Variants in PSMD1 observed in about 807,000 individuals in gnomAD.
PSMD1 encodes the protein 26S proteasome non-ATPase regulatory subunit 1.
PSMD1 carries 18 observed loss-of-function variants against 119.0 expected under a neutral mutation model. That is an observed-to-expected ratio of 0.15 (90% CI 0.10 to 0.22). PSMD1 has a LOEUF of 0.22. PSMD1 is among the 10% of genes least tolerant of loss of function. PSMD1 has a pLI of 1.00. For missense variants in PSMD1, 702 were observed against 1,158.5 expected, an observed-to-expected ratio of 0.61 and a Z score of 5.72; for synonymous variants, 374 against 396.6, an observed-to-expected ratio of 0.94 and a Z score of 0.68.
Position 231,163,954 on chromosome 2 carries a change from A to G in PSMD1, c.2481+227A>G, listed in dbSNP as rs976676075. Among the ~76,000 whole-genome samples, 81 of 152,212 alleles carry G rather than the reference A, an allele frequency of 5.3e-4. 6 individuals are homozygous for G. Among genetic ancestry groups the G allele is most frequent in the Non-Finnish European group, 5.9e-5 (4 of 68,036 alleles). ...ATCCCTCTGAAGGTTTTCTCTGCAC[A>G]TGTCAGTACTTTTTATACCACGAAT... On this transcript the variant is annotated intron_variant, in intron 21 of 24. Transcript: ENST00000308696.
At chr2:231,159,837 G>A (rs111476568) in intron 19 of PSMD1, among the ~76,000 whole-genome samples, 79 of 152,308 alleles carry the variant, frequency 5.2e-4, no homozygotes, top group African/African-American at 1.9e-3. Flanking sequence ...GTTTCAGGAT[G>A]AAACTTTTCC....
At chr2:231,078,265 C>A (rs548096475) in intron 9 of PSMD1, among the ~76,000 whole-genome samples, 1 of 152,268 alleles carries the variant, frequency 6.6e-6, no homozygotes, top group Admixed American at 6.5e-5. Flanking sequence ...AACACTCTGT[C>A]TCAAAAACCA....
chr2:231,088,861 T>C (rs941968496), intron 16 of PSMD1, among the ~76,000 whole-genome samples: 17 of 152,162 alleles, frequency 1.1e-4, no homozygotes, highest in African/African-American at 4.1e-4. Context: ...AAAGCCAAGA[T>C]AGACCAAAGG....
intron 16 of PSMD1, among the ~76,000 whole-genome samples, chr2:231,121,120 ATAG>A (rs1695526259): frequency 1.3e-5 from 2 of 152,154 alleles, no homozygotes; most frequent in South Asian, 4.1e-4. Context: ...AATGTATTAG[ATAG>A]TAGTTCACAG....
At chr2:231,124,940 A>G (rs1326124062) in intron 16 of PSMD1, 1 of 152,088 alleles carries the variant, frequency 6.6e-6, no homozygotes, top group African/African-American at 2.4e-5. Flanking sequence ...AAACCTTTAG[A>G]TTAATTCCAT....
At chr2:231,102,492 A>G (rs1425346845) in intron 16 of PSMD1, among the ~76,000 whole-genome samples, 1 of 152,220 alleles carries the variant, frequency 6.6e-6, no homozygotes, top group Non-Finnish European at 1.5e-5. Flanking sequence ...GTCAATTAAC[A>G]TATAATTTTT....
chr2:231,081,141 G>C (rs1037043414), intron 12 of PSMD1, among the ~76,000 whole-genome samples: 9 of 103,662 alleles, frequency 8.7e-5, no homozygotes, highest in African/African-American at 3.0e-4. Flanking sequence ...CAGAAACTCT[G>C]TCTAAAAAAA....
At chr2:231,064,845 A>G (rs1693859866) in intron 4 of PSMD1, among the ~76,000 whole-genome samples, 1 of 151,898 alleles carries the variant, frequency 6.6e-6, no homozygotes, top group East Asian at 1.9e-4. Flanking sequence ...TTTGTGTTGT[A>G]GAAATGGGGT....
At position 231,083,610 on chromosome 2, in the gene PSMD1, T is replaced by C; in HGVS notation, c.1569T>C (p.Ser523=). 1.9e-6 allele frequency: 3 copies of C among 1,614,234 alleles called. No homozygotes were observed. Among genetic ancestry groups the C allele is most frequent in the Non-Finnish European group, 2.5e-6 (3 of 1,180,036 alleles). Residue 523 remains serine (S), a synonymous_variant, in exon 14 of 25, where the codon TCT becomes TCC. Coordinates refer to ENST00000308696, the MANE Select transcript of PSMD1 (RefSeq NM_002807.4). The stretch of plus-strand genomic sequence containing the variant: ...CCCTAGGTTTGGTTATGTTGGGCTC[T>C]AAAAATGCTCAGGCTATTGAGGACA... ...GLALGLVMLG[S]KNAQAIEDMV... is the part of the protein sequence containing the mutation.
At chr2:231,168,426 G>A (rs1326892021) in intron 23 of PSMD1, among the ~76,000 whole-genome samples, 1 of 152,220 alleles carries the variant, frequency 6.6e-6, no homozygotes, top group Admixed American at 6.5e-5. Flanking sequence ...ATCAACTGAT[G>A]AATGAATAAT....
rs16827765 is a variant in PSMD1, at chr2:231,083,990, G to A, written c.1722+227G>A. On this transcript the variant is annotated intron_variant, in intron 14 of 24. Coordinates refer to ENST00000308696, the MANE Select transcript of PSMD1 (RefSeq NM_002807.4). ...TTAAATTTTGCTATAGCTTCAGATC[G>A]GTGATACTCATAAGCAGATTCAGCA... 4.9e-3 allele frequency among the ~76,000 whole-genome samples: 740 copies of A among 152,238 alleles called. 12 individuals are homozygous for A. Among genetic ancestry groups the A allele is most frequent in the African/African-American group, 0.017 (711 of 41,526 alleles).
At chr2:231,088,122 G>C (rs911407424) in intron 16 of PSMD1, among the ~76,000 whole-genome samples, 1 of 152,156 alleles carries the variant, frequency 6.6e-6, no homozygotes, top group Non-Finnish European at 1.5e-5. Flanking sequence ...CATCTGAGAA[G>C]ATGTTTTTGA....
At chr2:231,116,382 A>G (rs1695335000) in intron 16 of PSMD1, among the ~76,000 whole-genome samples, 1 of 152,124 alleles carries the variant, frequency 6.6e-6, no homozygotes, top group African/African-American at 2.4e-5. Flanking sequence ...GCAGGTAATT[A>G]TTGTGTTATA....
At chr2:231,108,950 C>T (rs1362518901) in intron 16 of PSMD1, 1 of 1,614,066 alleles carries the variant, frequency 6.2e-7, no homozygotes, top group Middle Eastern at 1.6e-4. Flanking sequence ...AAAGAAGGGA[C>T]ACCACATAAG....
chr2:231,062,739 G>A, intron 4 of PSMD1, 64 bp downstream of exon 4: 5 of 1,304,212 alleles, frequency 3.8e-6, no homozygotes, highest in Non-Finnish European at 5.0e-6. Context: ...AGTGCACATA[G>A]AAGCTTTTTT....
intron 12 of PSMD1, 139 bp downstream of exon 12, chr2:231,080,453 TAGG>T: frequency 1.4e-6 from 1 of 705,150 alleles, no homozygotes; most frequent in Non-Finnish European, 2.2e-6. Context: ...TTTTTTTTTT[TAGG>T]TAATTTCATT....
At chr2:231,075,902 CTTTT>C (rs1694151364) in intron 8 of PSMD1, among the ~76,000 whole-genome samples, 2 of 152,024 alleles carry the variant, frequency 1.3e-5, no homozygotes, top group South Asian at 4.2e-4. Flanking sequence ...AGCGAGTGTG[CTTTT>C]TGAAGTTGAG....
intron 17 of PSMD1, among the ~76,000 whole-genome samples, chr2:231,141,519 T>A (rs754327516): frequency 2.0e-5 from 3 of 149,346 alleles, no homozygotes; most frequent in Non-Finnish European, 3.0e-5. Context: ...AGCCTCAATC[T>A]CCCAGTCTTA....
chr2:231,171,893 C>A (rs1696921828), intron 24 of PSMD1, among the ~76,000 whole-genome samples: 1 of 152,008 alleles, frequency 6.6e-6, no homozygotes, highest in Non-Finnish European at 1.5e-5. Flanking sequence ...AGGACAGTAT[C>A]ATTTGTTATA....
Sources: allele counts gnomAD v4.1 joint callset (sites outside exome capture counted in the v4.1 genomes callset), GRCh38; gene constraint gnomAD v4.1.1; transcripts MANE v1.5; gene names NCBI Gene and HGNC (gene_info 2026-07-23, HGNC 2026-07-21).